CDKAL1: variants seen among roughly 807,000 people sequenced by gnomAD.
CDKAL1 encodes the protein CDKAL1 threonylcarbamoyladenosine tRNA methylthiotransferase, also known as threonylcarbamoyladenosine tRNA methylthiotransferase.
A neutral mutation model predicts 68.2 loss-of-function variants in CDKAL1; 32 were observed. The observed-to-expected ratio is 0.47, with a 90% CI of 0.35 to 0.63. The LOEUF is 0.63. CDKAL1 is among the 30% of genes least tolerant of loss of function. The pLI is 0.00. For synonymous variants in CDKAL1, 234 were observed against 244.3 expected, an observed-to-expected ratio of 0.96 and a Z score of 0.39; for missense variants, 606 against 696.7, an observed-to-expected ratio of 0.87 and a Z score of 1.47.
chr6:21,048,738 A>T (rs144526789), intron 11 of CDKAL1, among the ~76,000 whole-genome samples: 353 of 151,990 alleles, frequency 2.3e-3, no homozygotes, highest in Non-Finnish European at 3.9e-3. Context: ...TCTTCCCGAG[A>T]CCTGATGTTT....
intron 9 of CDKAL1, among the ~76,000 whole-genome samples, chr6:20,888,612 C>T (rs1761215543): frequency 7.1e-6 from 1 of 140,886 alleles, no homozygotes; most frequent in African/African-American, 2.6e-5. Context: ...TGAGTGAGAA[C>T]ATGAGGTGTT....
chr6:21,075,590 A>G (rs1180360777), intron 12 of CDKAL1, among the ~76,000 whole-genome samples: 3 of 152,142 alleles, frequency 2.0e-5, no homozygotes, highest in Non-Finnish European at 2.9e-5. Flanking sequence ...TTACAAGACT[A>G]TAATATATAA....
chr6:20,865,903 G>A (rs1454976440), intron 9 of CDKAL1, among the ~76,000 whole-genome samples: 5 of 152,164 alleles, frequency 3.3e-5, no homozygotes, highest in African/African-American at 1.2e-4. Context: ...GAACTGTGAA[G>A]TTTAATTTGA....
At chr6:20,540,807 G>A (rs1763361534) in intron 2 of CDKAL1, among the ~76,000 whole-genome samples, 1 of 152,310 alleles carries the variant, frequency 6.6e-6, no homozygotes, top group Non-Finnish European at 1.5e-5. Context: ...AAGCAGTGGT[G>A]TGGAATAGGC....
chr6:20,790,411 C>CT (rs1482112180), intron 8 of CDKAL1, among the ~76,000 whole-genome samples: 1 of 152,084 alleles, frequency 6.6e-6, no homozygotes, highest in African/African-American at 2.4e-5. Flanking sequence ...AAAACCATGT[C>CT]TTACACAGAG....
At chr6:20,766,396 A>G (rs1398422951) in intron 7 of CDKAL1, among the ~76,000 whole-genome samples, 2 of 152,136 alleles carry the variant, frequency 1.3e-5, no homozygotes, top group Non-Finnish European at 2.9e-5. Context: ...GGTTTACTAG[A>G]TTTGATTGCC....
intron 9 of CDKAL1, among the ~76,000 whole-genome samples, chr6:20,859,133 T>G (rs1759485451): frequency 6.6e-6 from 1 of 152,136 alleles, no homozygotes; most frequent in South Asian, 2.1e-4. Context: ...TTGAAACATT[T>G]GATAAACTAA....
In CDKAL1 at chr6:21,231,203, G is replaced by A. The variant is rs1045981498; in HGVS notation, c.*164G>A. The A allele has an allele frequency of 6.1e-6, 3 of 488,092 alleles. No homozygotes were observed. Among genetic ancestry groups the A allele is most frequent in the African/African-American group, 5.8e-5 (3 of 52,058 alleles). 30.2% of individuals were successfully genotyped at this position (488,092 alleles called of 1,614,324 possible). On this transcript the variant is annotated 3_prime_UTR_variant, in exon 16 of 16. Coordinates refer to ENST00000274695, the MANE Select transcript of CDKAL1 (RefSeq NM_017774.3). ...AATGAGGCTCCCCCTGTCTCACATT[G>A]AGTTGGGCCCATTGGTTATTTGACC...
At chr6:20,988,397 C>G (rs185849435) in intron 10 of CDKAL1, among the ~76,000 whole-genome samples, 4 of 152,248 alleles carry the variant, frequency 2.6e-5, no homozygotes, top group Non-Finnish European at 4.4e-5. Context: ...TATCAGCTAT[C>G]TGCGCATTCA....
intron 8 of CDKAL1, among the ~76,000 whole-genome samples, chr6:20,791,113 C>T (rs772332721): frequency 1.4e-4 from 21 of 152,218 alleles, no homozygotes; most frequent in Non-Finnish European, 2.5e-4. Context: ...ACTGGGGACC[C>T]GACACCCTCT....
At chr6:20,891,034 G>A (rs1761365723) in intron 9 of CDKAL1, among the ~76,000 whole-genome samples, 1 of 152,100 alleles carries the variant, frequency 6.6e-6, no homozygotes, top group South Asian at 2.1e-4. Context: ...TAAATAATTT[G>A]CACCTCCCCT....
At position 20,720,903 on chromosome 6, in the gene CDKAL1, C is replaced by T. The variant is rs547035361; in HGVS notation, c.372-18616C>T. Among the ~76,000 whole-genome samples, 3 of 152,272 alleles carry T rather than the reference C, an allele frequency of 2.0e-5. No homozygotes were observed. The South Asian group carries it at 6.2e-4, about 32-fold the overall frequency. On this transcript the variant is annotated intron_variant, in intron 5 of 15. Coordinates refer to ENST00000274695, the MANE Select transcript of CDKAL1 (RefSeq NM_017774.3). ...TGCCTTATTTCACTTGAGATAATGA[C>T]CTCCAGTTCCATCCATATTGCTGCA... is the stretch of plus-strand genomic sequence containing the variant.
chr6:21,149,769 A>G (rs1776324545), intron 13 of CDKAL1, among the ~76,000 whole-genome samples: 2 of 152,236 alleles, frequency 1.3e-5, no homozygotes, highest in African/African-American at 4.8e-5. Flanking sequence ...GTGACTCATT[A>G]AGTGAGTCCA....
intron 13 of CDKAL1, among the ~76,000 whole-genome samples, chr6:21,155,305 G>C (rs904061717): frequency 2.0e-5 from 3 of 152,160 alleles, no homozygotes; most frequent in Middle Eastern, 3.2e-3. Flanking sequence ...TGAGGATGGG[G>C]AGGACAGCTT....
chr6:20,972,393 G>T (rs377083791), intron 10 of CDKAL1, among the ~76,000 whole-genome samples: 52 of 152,248 alleles, frequency 3.4e-4, no homozygotes, highest in African/African-American at 1.3e-3. Context: ...TTAGCCTTTA[G>T]TTAAGTTTCT....
At chr6:21,204,021 G>C (rs34046809) in intron 15 of CDKAL1, among the ~76,000 whole-genome samples, 2 of 152,132 alleles carry the variant, frequency 1.3e-5, no homozygotes, top group Non-Finnish European at 2.9e-5. Context: ...AAGATGCTAA[G>C]AACATCAATA....
chr6:20,746,052 T>C (rs1773652698), intron 6 of CDKAL1, among the ~76,000 whole-genome samples: 2 of 152,212 alleles, frequency 1.3e-5, no homozygotes, highest in South Asian at 4.1e-4. Flanking sequence ...TTGTTTTTAT[T>C]GCTGAAGGGG....
At chr6:20,748,555 GAAAAAAAAAAA>G (rs760404728) in intron 6 of CDKAL1, among the ~76,000 whole-genome samples, 1 of 28,742 alleles carries the variant, frequency 3.5e-5, no homozygotes, top group African/African-American at 1.2e-4. Flanking sequence ...TCTGTTTCTG[GAAAAAAAAAAA>G]AAAAAAAAAA....
intron 5 of CDKAL1, among the ~76,000 whole-genome samples, chr6:20,689,563 A>G (rs1183711015): frequency 6.6e-6 from 1 of 152,174 alleles, no homozygotes; most frequent in African/African-American, 2.4e-5. Flanking sequence ...CAAGCTTCTC[A>G]GATGCTGAAC....
Sources: allele counts gnomAD v4.1 joint callset (sites outside exome capture counted in the v4.1 genomes callset), GRCh38; gene constraint gnomAD v4.1.1; transcripts MANE v1.5; gene names NCBI Gene and HGNC (gene_info 2026-07-23, HGNC 2026-07-21).